ANKRD34B: variants seen among roughly 807,000 people sequenced by gnomAD.
The protein encoded by ANKRD34B is ankyrin repeat domain 34B.
ANKRD34B carries 2 observed loss-of-function variants against 4.4 expected under a neutral mutation model. That is an observed-to-expected ratio of 0.46 (90% CI 0.19 to 1.44). The LOEUF (loss-of-function observed/expected upper bound fraction) is 1.44, where lower values mean the gene tolerates loss of function less well. Among genes scored for constraint, ANKRD34B ranks in the 40% most tolerant of loss-of-function variants. The pLI is 0.26. For synonymous variants in ANKRD34B, 226 were observed against 227.1 expected, an observed-to-expected ratio of 0.99 and a Z score of 0.05; for missense variants, 558 against 604.7, an observed-to-expected ratio of 0.92 and a Z score of 0.81.
At position 80,568,506 on chromosome 5, in the gene ANKRD34B, A is replaced by G. The variant is rs1274147210; in HGVS notation, c.-191+454T>C. On this transcript the variant is annotated intron_variant, in intron 2 of 4. Coordinates refer to ENST00000338682, the MANE Select transcript of ANKRD34B (RefSeq NM_001004441.3). ...GGAGGTTTGCTGCCCTGCCTTTCCT[A>G]GACGGGTTTGAAAAAACCCAGAGCC... Among the ~76,000 whole-genome samples the G allele has an allele frequency of 2.6e-5, 4 of 152,138 alleles. 1 individual carries two copies. The highest frequency in any genetic ancestry group is 9.7e-5 in the African/African-American group (4 of 41,398).
At chr5:80,567,859 T>C (rs1050124321) in intron 2 of ANKRD34B, among the ~76,000 whole-genome samples, 3 of 151,752 alleles carry the variant, frequency 2.0e-5, no homozygotes, top group African/African-American at 7.3e-5. Context: ...GGCAGCAGGG[T>C]GCGTATCAGG....
Position 80,558,942 on chromosome 5 carries a change from G to A in ANKRD34B, c.1078C>T (p.Gln360Ter). The A allele has an allele frequency of 6.2e-7, 1 of 1,614,118 alleles. No individual in the cohort carries two copies. The highest frequency in any genetic ancestry group is 1.1e-5 in the South Asian group (1 of 91,076). ...IFASTLRSIV[Q>*]KRNLGANHYS... The stretch of plus-strand genomic sequence containing the variant: ...TGATTTGCCCCCAAGTTTCTTTTTT[G>A]AACTATACTTCTTAAGGTGGAAGCA... Residue 360 changes from glutamine (Q) to a stop codon, truncating the protein, a stop_gained, in exon 5 of 5, where the codon CAA becomes TAA. Transcript: ENST00000338682. LOFTEE classifies it low-confidence loss of function (END_TRUNC).
Position 80,558,824 on chromosome 5 carries a change from G to A in ANKRD34B, c.1196C>T (p.Pro399Leu), listed in dbSNP as rs2112704470. 14 of 1,614,026 alleles carry A rather than the reference G, an allele frequency of 8.7e-6. No homozygotes were observed. Among genetic ancestry groups the A allele is most frequent in the Non-Finnish European group, 1.2e-5 (14 of 1,179,986 alleles). Residue 399 changes from proline to leucine, a missense_variant, in exon 5 of 5, where the codon CCA becomes CTA. By Grantham distance (98) the Pro-to-Leu change is moderately conservative (BLOSUM62 -3). Coordinates refer to ENST00000338682, the MANE Select transcript of ANKRD34B (RefSeq NM_001004441.3). ...GGACTCTGACAATTGGGAAGGAGAT[G>A]GTGAGAGGATCTTTTTCTTTCCTAT... ...ALIGKKKILSPSPSQLSESKE... is the reference protein window; with the variant it reads ...ALIGKKKILSLSPSQLSESKE...
In ANKRD34B at chr5:80,557,845, C is replaced by T. The variant is rs1226813942; in HGVS notation, c.*630G>A. ...TTACTAGTAGGTTGTAAAACTCTGA[C>T]TTGCCAGTTTGACACTAATTAAACT... On this transcript the variant is annotated 3_prime_UTR_variant, in exon 5 of 5. Transcript: ENST00000338682. The T allele has an allele frequency of 1.3e-5, 2 of 152,180 alleles. No individual in the cohort carries two copies. Among genetic ancestry groups the T allele is most frequent in the Non-Finnish European group, 2.9e-5 (2 of 68,022 alleles). 9.4% of individuals were successfully genotyped at this position (152,180 alleles called of 1,614,324 possible).
At chr5:80,563,675 G>C (rs1484527586) in intron 4 of ANKRD34B, 60 bp downstream of exon 4, 1 of 152,176 alleles carries the variant, frequency 6.6e-6, no homozygotes, top group African/African-American at 2.4e-5. Context: ...GAGAGTGAAT[G>C]CTTTGATTTT....
At chr5:80,565,264 A>C (rs1389848887) in intron 3 of ANKRD34B, among the ~76,000 whole-genome samples, 1 of 152,184 alleles carries the variant, frequency 6.6e-6, no homozygotes. Flanking sequence ...CTTTTCATAG[A>C]ATTGAACTCT....
intron 1 of ANKRD34B, among the ~76,000 whole-genome samples, chr5:80,569,476 G>A (rs1235956337): frequency 6.6e-6 from 1 of 152,146 alleles, no homozygotes; most frequent in Non-Finnish European, 1.5e-5. Flanking sequence ...GTGGCTCCTG[G>A]AAGCAGGAGC....
Position 80,559,128 on chromosome 5 carries a change from C to T in ANKRD34B, c.892G>A (p.Asp298Asn). The change falls in exon 5 of 5, where the codon GAT becomes AAT. Residue 298 changes from aspartate to asparagine, a missense_variant. Transcript: ENST00000338682. ...AGCAAATGTGCAGTGTCTTTTACAT[C>T]AATGCTTTGGTGCCTAGTGATGAAC... ...KRFITRHQSI[D>N]VKDTAHLLRA... 1 of 1,614,202 alleles carries T rather than the reference C, an allele frequency of 6.2e-7. No individual in the cohort carries two copies. The highest frequency in any genetic ancestry group is 2.2e-5 in the East Asian group (1 of 44,884).
chr5:80,562,226 T>C (rs1226868115), intron 4 of ANKRD34B, among the ~76,000 whole-genome samples: 1 of 152,072 alleles, frequency 6.6e-6, no homozygotes, highest in Non-Finnish European at 1.5e-5. Context: ...AAAACTCTTT[T>C]ATATGCAGAA....
intron 2 of ANKRD34B, among the ~76,000 whole-genome samples, chr5:80,568,428 C>T (rs962648777): frequency 6.6e-6 from 1 of 152,158 alleles, no homozygotes; most frequent in African/African-American, 2.4e-5. Context: ...CCAGGGAGCT[C>T]ACAGGTCCCA....
intron 2 of ANKRD34B, among the ~76,000 whole-genome samples, chr5:80,567,553 G>A (rs574940457): frequency 2.1e-5 from 3 of 144,016 alleles, no homozygotes; most frequent in East Asian, 2.2e-4. Context: ...CTCGGGAGGC[G>A]GAGGTTGCAG....
chr5:80,568,925 C>CAGAG lies in ANKRD34B; in HGVS notation c.-191+31_-191+34dup, dbSNP rs1554060878. 3.3e-3 allele frequency: 164 copies of CAGAG among 49,868 alleles called. 1 individual carries two copies. Among genetic ancestry groups the CAGAG allele is most frequent in the East Asian group, 9.5e-3 (6 of 632 alleles). The allele number at this position is 49,868 out of a possible 1,614,324, so 3.1% of individuals were successfully genotyped here. A position where few individuals can be genotyped will look rare whatever the true frequency, so the allele number is the denominator to read the frequency against. ...ACACACACACACACACACACACACA[C>CAGAG]AGAGAGAGAGAGAGAGAGAGAGAGA... is the stretch of plus-strand genomic sequence containing the variant. On this transcript the variant is annotated intron_variant, in intron 2 of 4. Coordinates refer to ENST00000338682, the MANE Select transcript of ANKRD34B (RefSeq NM_001004441.3).
chr5:80,558,704 T>C lies in ANKRD34B; in HGVS notation c.1316A>G (p.His439Arg). 6.2e-7 allele frequency: 1 copy of C among 1,614,158 alleles called. No homozygotes were observed. The highest frequency in any genetic ancestry group is 8.5e-7 in the Non-Finnish European group (1 of 1,179,998). ...CCCTTGTCTGGTTTGGGTAACACTG[T>C]GATCTAAAGGGAAAGCTCCTGAACC... is the stretch of plus-strand genomic sequence containing the variant. ...RRGSGAFPLDHSVTQTRQGFL... is the reference protein window; with the variant it reads ...RRGSGAFPLDRSVTQTRQGFL... The change falls in exon 5 of 5, where the codon CAC becomes CGC. Residue 439 changes from histidine to arginine, a missense_variant. By Grantham distance (29) the His-to-Arg change is conservative (BLOSUM62 0). Transcript: ENST00000338682.
Position 80,557,275 on chromosome 5 carries a change from A to G in ANKRD34B, c.*1200T>C, listed in dbSNP as rs1197133669. 5.9e-5 allele frequency: 9 copies of G among 152,068 alleles called. No individual in the cohort carries two copies. Among genetic ancestry groups the G allele is most frequent in the African/African-American group, 2.2e-4 (9 of 41,540 alleles). 9.4% of individuals were successfully genotyped at this position (152,068 alleles called of 1,614,324 possible). A position where few individuals can be genotyped will look rare whatever the true frequency, so the allele number is the denominator to read the frequency against. ...TTATTACTTTATAATATTTTATAAT[A>G]CTAATATGGTATTCATTAATTTTGT... On this transcript the variant is annotated 3_prime_UTR_variant, in exon 5 of 5. Transcript: ENST00000338682.
At chr5:80,568,925 C>CACACACACACAGACAGAGAGAG in intron 2 of ANKRD34B, 35 bp downstream of exon 2, 1 of 49,850 alleles carries the variant, frequency 2.0e-5, no homozygotes, top group Non-Finnish European at 3.9e-5. Context: ...CACACACACA[C>CACACACACACAGACAGAGAGAG]AGAGAGAGAG....
At position 80,557,522 on chromosome 5, in the gene ANKRD34B, C is replaced by T. The variant is rs927350018; in HGVS notation, c.*953G>A. On this transcript the variant is annotated 3_prime_UTR_variant, in exon 5 of 5. Coordinates refer to ENST00000338682, the MANE Select transcript of ANKRD34B (RefSeq NM_001004441.3). ...GTTTTTCTTTTTAAAAGAAGGCAAG[C>T]GCTTAGTTTTTATCCATGATGAATT... The T allele has an allele frequency of 4.6e-5, 7 of 151,606 alleles. No individual in the cohort carries two copies. Among genetic ancestry groups the T allele is most frequent in the Non-Finnish European group, 7.4e-5 (5 of 67,892 alleles). The allele number at this position is 151,606 out of a possible 1,614,324, so 9.4% of individuals were successfully genotyped here.
At position 80,559,794 on chromosome 5, in the gene ANKRD34B, C is replaced by G; in HGVS notation, c.226G>C (p.Asp76His). 6.2e-7 allele frequency: 1 copy of G among 1,614,160 alleles called. No individual in the cohort carries two copies. The highest frequency in any genetic ancestry group is 8.5e-7 in the Non-Finnish European group (1 of 1,180,030). ...MVKYLLENNA[D>H]PNIQDKSGKT... ...CCAGATTTGTCCTGTATGTTGGGATCGGCATTGTTCTCTAACAGGTATTTC... is the reference window on the plus strand; with the variant it reads ...CCAGATTTGTCCTGTATGTTGGGATGGGCATTGTTCTCTAACAGGTATTTC... The change falls in exon 5 of 5, where the codon GAT becomes CAT. Residue 76 changes from aspartate (D) to histidine (H), a missense_variant. Coordinates refer to ENST00000338682, the MANE Select transcript of ANKRD34B (RefSeq NM_001004441.3).
intron 1 of ANKRD34B, among the ~76,000 whole-genome samples, chr5:80,569,531 G>A (rs2112724406): frequency 6.6e-6 from 1 of 152,290 alleles, no homozygotes; most frequent in South Asian, 2.1e-4. Context: ...CCCGCCCCCA[G>A]CGCCCAGCCG....
intron 4 of ANKRD34B, among the ~76,000 whole-genome samples, chr5:80,560,976 T>C (rs181236820): frequency 1.3e-4 from 20 of 152,324 alleles, no homozygotes; most frequent in Non-Finnish European, 2.5e-4. Flanking sequence ...TTCTCTTGAT[T>C]CTATTATTTA....
Sources: allele counts gnomAD v4.1 joint callset (sites outside exome capture counted in the v4.1 genomes callset), GRCh38; gene constraint gnomAD v4.1.1; transcripts MANE v1.5; gene names NCBI Gene and HGNC (gene_info 2026-07-23, HGNC 2026-07-21).